CACNA2D2: variants seen among roughly 807,000 people sequenced by gnomAD.
The protein encoded by CACNA2D2 is voltage-dependent calcium channel subunit alpha-2/delta-2.
A neutral mutation model predicts 166.4 loss-of-function variants in CACNA2D2; 48 were observed. The observed-to-expected ratio is 0.29, with a 90% CI of 0.23 to 0.37. CACNA2D2 has a LOEUF of 0.37. Ranked by LOEUF, CACNA2D2 falls within the 10% of genes least tolerant of loss-of-function variation. The probability of loss-of-function intolerance (pLI) is 1.00; values close to 1 mark genes in which losing one functional copy is unlikely to be tolerated. For missense variants in CACNA2D2, 1,122 were observed against 1,433.0 expected (o/e 0.78, Z 3.50); for synonymous variants, 561 against 573.7 (o/e 0.98, Z 0.32).
intron 1 of CACNA2D2, among the ~76,000 whole-genome samples, chr3:50,495,611 T>A (rs777482686): frequency 1.3e-5 from 2 of 152,220 alleles, no homozygotes; most frequent in African/African-American, 2.4e-5. Flanking sequence ...CAAGGGATCA[T>A]CAAGCCAAAG....
chr3:50,434,286 C>T, intron 3 of CACNA2D2, 27 bp downstream of exon 3: 2 of 1,539,272 alleles, frequency 1.3e-6, no homozygotes, highest in African/African-American at 1.4e-5. Context: ...TCAGTGCCGC[C>T]CCCCTGCCCC....
At chr3:50,484,962 G>A (rs898547972) in intron 1 of CACNA2D2, among the ~76,000 whole-genome samples, 1 of 152,214 alleles carries the variant, frequency 6.6e-6, no homozygotes, top group Non-Finnish European at 1.5e-5. Context: ...GCTGCCCCAG[G>A]GCTGGCCCAG....
intron 6 of CACNA2D2, among the ~76,000 whole-genome samples, chr3:50,382,007 C>T (rs1327890414): frequency 6.6e-6 from 1 of 151,778 alleles, no homozygotes; most frequent in African/African-American, 2.4e-5. Context: ...CACACACACA[C>T]ACACACACAC....
At chr3:50,418,628 G>A (rs743754) in intron 3 of CACNA2D2, among the ~76,000 whole-genome samples, 1 of 152,176 alleles carries the variant, frequency 6.6e-6, no homozygotes, top group East Asian at 1.9e-4. Flanking sequence ...TGGGGGGCCA[G>A]TGTGCAGGGA....
chr3:50,373,680 A>G (rs1575594317), intron 22 of CACNA2D2, among the ~76,000 whole-genome samples: 2 of 112,618 alleles, frequency 1.8e-5, no homozygotes, highest in Non-Finnish European at 3.7e-5. Flanking sequence ...GAGATGGAGG[A>G]GGTGAGCAGG....
At chr3:50,411,764 G>C (rs1006055546) in intron 3 of CACNA2D2, among the ~76,000 whole-genome samples, 1 of 152,204 alleles carries the variant, frequency 6.6e-6, no homozygotes, top group Non-Finnish European at 1.5e-5. Context: ...GCTGCAGCCT[G>C]AGATGGTCAC....
intron 2 of CACNA2D2, among the ~76,000 whole-genome samples, chr3:50,446,035 C>T (rs1004081366): frequency 6.6e-6 from 1 of 152,208 alleles, no homozygotes; most frequent in African/African-American, 2.4e-5. Context: ...ACAGTGTTTG[C>T]CATGCAAACA....
rs550419460 is a variant in CACNA2D2 at position 50,449,312 on chromosome 3, G to C, written c.289-14883C>G. On this transcript the variant is annotated intron_variant, in intron 2 of 37. Coordinates refer to ENST00000424201, the MANE Select transcript of CACNA2D2 (RefSeq NM_006030.4). The stretch of plus-strand genomic sequence containing the variant: ...TGCTATCAGAGGTGGGCAGGAAGAG[G>C]GTAGCAGGAATTGGGTCCATATGCT... Among the ~76,000 whole-genome samples, 79 of 152,288 alleles carry C rather than the reference G, an allele frequency of 5.2e-4. 1 individual carries two copies. Among genetic ancestry groups the C allele is most frequent in the Admixed American group, 1.9e-3 (29 of 15,302 alleles).
chr3:50,376,877 C>T lies in CACNA2D2; in HGVS notation c.1626+590G>A, dbSNP rs1705025448. ...TGGGCCAGCCACAATGCCATCTTGC[C>T]CCTACCCTGGTTTATGATTGTTTTT... On this transcript the variant is annotated intron_variant, in intron 17 of 37. Coordinates refer to ENST00000424201, the MANE Select transcript of CACNA2D2 (RefSeq NM_006030.4). The surrounding 1 kb of genome is among the most constrained non-coding windows in gnomAD (Gnocchi z 4.3). 6.6e-6 allele frequency among the ~76,000 whole-genome samples: 1 copy of T among 152,216 alleles called. No homozygotes were observed. Among genetic ancestry groups the T allele is most frequent in the African/African-American group, 2.4e-5 (1 of 41,464 alleles).
chr3:50,491,445 C>T (rs1698516939), intron 1 of CACNA2D2, among the ~76,000 whole-genome samples: 1 of 152,194 alleles, frequency 6.6e-6, no homozygotes, highest in Admixed American at 6.5e-5. Context: ...CTGTGGCCTG[C>T]GCCAGCCAAG....
chr3:50,500,190 C>A (rs77338813), intron 1 of CACNA2D2, among the ~76,000 whole-genome samples: 3 of 152,030 alleles, frequency 2.0e-5, no homozygotes, highest in African/African-American at 7.3e-5. Context: ...GAGAGGAGCA[C>A]GTACTCTGGT....
intron 1 of CACNA2D2, among the ~76,000 whole-genome samples, chr3:50,489,881 G>A (rs1033741229): frequency 1.1e-4 from 17 of 152,172 alleles, no homozygotes; most frequent in African/African-American, 4.1e-4. Context: ...AACCATGCAT[G>A]GTGTTATTTA....
At chr3:50,377,437 G>C (rs370007437) in intron 17 of CACNA2D2, 30 bp downstream of exon 17, 13 of 1,578,508 alleles carry the variant, frequency 8.2e-6, no homozygotes, top group Non-Finnish European at 1.1e-5. Flanking sequence ...ATGGGAGGCA[G>C]GGTACGCGGA....
intron 1 of CACNA2D2, among the ~76,000 whole-genome samples, chr3:50,501,617 G>A (rs757258436): frequency 3.9e-5 from 6 of 152,186 alleles, no homozygotes; most frequent in Admixed American, 1.3e-4. Flanking sequence ...CCAACTGCAC[G>A]TTGCAGGGAA....
At chr3:50,416,826 A>G (rs1707284788) in intron 3 of CACNA2D2, among the ~76,000 whole-genome samples, 1 of 152,218 alleles carries the variant, frequency 6.6e-6, no homozygotes, top group South Asian at 2.1e-4. Flanking sequence ...GGAGAAAGGG[A>G]TATCACAGCT....
rs1460368429 is a variant in CACNA2D2, at chr3:50,367,921, G to A, written c.2144-19C>T. The A allele has an allele frequency of 1.4e-6, 2 of 1,441,398 alleles. No homozygotes were observed. Among genetic ancestry groups the A allele is most frequent in the African/African-American group, 1.4e-5 (1 of 71,346 alleles). The allele number at this position is 1,441,398 out of a possible 1,614,324, so 89.3% of individuals were successfully genotyped here. Reference sequence around the variant, plus strand: ...TTGTTGCCTGGAACAGGAGGGGAGGGGTGGGGGTGGGGGCATCTTCTTGCA... The same window carrying A: ...TTGTTGCCTGGAACAGGAGGGGAGGAGTGGGGGTGGGGGCATCTTCTTGCA... On this transcript the variant is annotated intron_variant, in intron 24 of 37. Coordinates refer to ENST00000424201, the MANE Select transcript of CACNA2D2 (RefSeq NM_006030.4). The surrounding 1 kb of genome is among the most constrained non-coding windows in gnomAD (Gnocchi z 6.5).
chr3:50,365,769 C>A lies in CACNA2D2; in HGVS notation c.2915+41G>T. On this transcript the variant is annotated intron_variant, in intron 33 of 37. Transcript: ENST00000424201. The surrounding 1 kb of genome is among the most constrained non-coding windows in gnomAD (Gnocchi z 4.5). The stretch of plus-strand genomic sequence containing the variant: ...TACTTCTCTTCTGAGCCCTCCCGGC[C>A]AGGGAGCACCTTCTCTACCCACCTC... 6.2e-7 allele frequency: 1 copy of A among 1,612,758 alleles called. No individual in the cohort carries two copies. The highest frequency in any genetic ancestry group is 1.6e-4 in the Middle Eastern group (1 of 6,062).
chr3:50,416,543 G>A (rs1421139662), intron 3 of CACNA2D2, among the ~76,000 whole-genome samples: 1 of 152,228 alleles, frequency 6.6e-6, no homozygotes, highest in East Asian at 1.9e-4. Context: ...CCCCTGAGGG[G>A]AGGGCAGACA....
chr3:50,480,398 C>A (rs1321965673), intron 1 of CACNA2D2, among the ~76,000 whole-genome samples: 1 of 151,816 alleles, frequency 6.6e-6, no homozygotes, highest in East Asian at 2.0e-4. Flanking sequence ...GCAGCTCATG[C>A]AATACAGCCC....
Sources: allele counts gnomAD v4.1 joint callset (sites outside exome capture counted in the v4.1 genomes callset), GRCh38; gene constraint gnomAD v4.1.1; non-coding constraint Gnocchi (gnomAD v3.1); transcripts MANE v1.5; gene names NCBI Gene and HGNC (gene_info 2026-07-23, HGNC 2026-07-21).